The following PHACTR1 variants were observed in gnomAD, a reference collection of about 807,000 sequenced individuals.
PHACTR1 encodes the protein phosphatase and actin regulator 1.
PHACTR1 carries 16 observed loss-of-function variants against 69.2 expected under a neutral mutation model. The observed-to-expected ratio is 0.23, with a 90% CI of 0.16 to 0.35. The LOEUF (loss-of-function observed/expected upper bound fraction) is 0.35. PHACTR1 is among the 10% of genes least tolerant of loss of function. The probability of loss-of-function intolerance (pLI) is 1.00; values close to 1 mark genes in which losing one functional copy is unlikely to be tolerated. For synonymous variants in PHACTR1, 312 were observed against 284.5 expected (o/e 1.10, Z -0.97); for missense variants, 510 against 734.7 (o/e 0.69, Z 3.54).
intron 4 of PHACTR1, among the ~76,000 whole-genome samples, chr6:12,921,833 G>C (rs867087996): frequency 4.3e-5 from 2 of 46,928 alleles, no homozygotes; most frequent in Non-Finnish European, 7.7e-5. Flanking sequence ...AAGGAAGGAA[G>C]GGAGGGAGAG....
rs1212641912 is a variant in PHACTR1 at position 12,786,352 on chromosome 6, A to C, written c.250+36562A>C. On this transcript the variant is annotated intron_variant, in intron 4 of 14. Transcript: ENST00000332995. Reference sequence around the variant, plus strand: ...TTTCTAAGATGACTCTTGAATAGGAAAATAATTCTTAATACAAATTCAGAT... The same window carrying C: ...TTTCTAAGATGACTCTTGAATAGGACAATAATTCTTAATACAAATTCAGAT... 2.0e-5 allele frequency among the ~76,000 whole-genome samples: 3 copies of C among 152,244 alleles called. No individual in the cohort carries two copies. The East Asian group carries it at 5.8e-4, about 29-fold the overall frequency.
chr6:12,725,109 T>C (rs1391404879), intron 3 of PHACTR1, among the ~76,000 whole-genome samples: 1 of 152,188 alleles, frequency 6.6e-6, no homozygotes, highest in Non-Finnish European at 1.5e-5. Context: ...TCTCTTTAAG[T>C]TGTTTTTGGA....
At chr6:12,954,106 A>G (rs1367027995) in intron 4 of PHACTR1, among the ~76,000 whole-genome samples, 4 of 152,194 alleles carry the variant, frequency 2.6e-5, no homozygotes, top group African/African-American at 4.8e-5. Context: ...AGGGATAGGC[A>G]TTTCAAGGAA....
intron 4 of PHACTR1, among the ~76,000 whole-genome samples, chr6:12,873,533 A>T (rs1782264048): frequency 6.6e-6 from 1 of 152,166 alleles, no homozygotes; most frequent in Non-Finnish European, 1.5e-5. Context: ...TGGAAGAGAA[A>T]AAAAGGTTCA....
In PHACTR1 at chr6:13,160,241, A is replaced by G; in HGVS notation, c.453A>G (p.Glu151=). Residue 151 remains glutamate (E), a synonymous_variant, in exon 6 of 15, where the codon GAA becomes GAG. Coordinates refer to ENST00000332995, the MANE Select transcript of PHACTR1 (RefSeq NM_030948.6). ...ERKISMRQSR[E]ELIKRGVLKE... is the part of the protein sequence containing the mutation. ...AAATATCTATGAGGCAAAGCAGAGA[A>G]GAGCTGATAAAGCGAGGAGTCCTGA... The G allele has an allele frequency of 6.2e-7, 1 of 1,613,866 alleles. No homozygotes were observed. Among genetic ancestry groups the G allele is most frequent in the South Asian group, 1.1e-5 (1 of 91,074 alleles).
intron 7 of PHACTR1, among the ~76,000 whole-genome samples, chr6:13,190,042 TA>T (rs1554150970): frequency 0.037 from 5,493 of 146,566 alleles, 263 homozygotes; most frequent in African/African-American, 0.1. Flanking sequence ...TTTTTTTTTT[TA>T]AAACAGTTTC....
chr6:12,989,673 G>T (rs953356873), intron 4 of PHACTR1, among the ~76,000 whole-genome samples: 19 of 152,324 alleles, frequency 1.2e-4, no homozygotes, highest in African/African-American at 4.6e-4. Flanking sequence ...AAAGGTGGGA[G>T]CCAGGGGGCC....
intron 6 of PHACTR1, among the ~76,000 whole-genome samples, chr6:13,173,004 A>C (rs1421591834): frequency 6.6e-6 from 1 of 152,216 alleles, no homozygotes; most frequent in African/African-American, 2.4e-5. Context: ...GGTAGGGGTA[A>C]AAAAACTGGA....
intron 8 of PHACTR1, among the ~76,000 whole-genome samples, chr6:13,226,521 G>T (rs1769730981): frequency 6.6e-6 from 1 of 152,030 alleles, no homozygotes; most frequent in African/African-American, 2.4e-5. Context: ...TTAAATGAAA[G>T]ATATAAATTC....
At chr6:12,752,599 T>G (rs1287747788) in intron 4 of PHACTR1, among the ~76,000 whole-genome samples, 2 of 152,258 alleles carry the variant, frequency 1.3e-5, no homozygotes, top group Admixed American at 6.5e-5. Context: ...TACATATACA[T>G]ATATTCCTTT....
At chr6:13,167,279 T>C (rs1384801519) in intron 6 of PHACTR1, among the ~76,000 whole-genome samples, 1 of 152,240 alleles carries the variant, frequency 6.6e-6, no homozygotes, top group Non-Finnish European at 1.5e-5. Flanking sequence ...TGTAGAATGT[T>C]AGGGATAACA....
intron 4 of PHACTR1, among the ~76,000 whole-genome samples, chr6:12,780,255 G>C (rs945790004): frequency 2.0e-3 from 69 of 33,660 alleles, no homozygotes; most frequent in African/African-American, 3.2e-3. Flanking sequence ...TTCTCTGTGT[G>C]TGTGTGTGTG....
At chr6:13,199,144 T>G (rs566316656) in intron 7 of PHACTR1, among the ~76,000 whole-genome samples, 1 of 152,168 alleles carries the variant, frequency 6.6e-6, no homozygotes, top group East Asian at 1.9e-4. Context: ...TCCCAGCACT[T>G]TGGGAGGCCA....
chr6:12,772,488 G>A (rs1581682131), intron 4 of PHACTR1, among the ~76,000 whole-genome samples: 2 of 152,092 alleles, frequency 1.3e-5, no homozygotes, highest in East Asian at 3.9e-4. Context: ...CTCTTTCTGT[G>A]GAGATTTTCT....
At chr6:12,955,192 C>CTTTTTTTTTTT (rs1161324144) in intron 4 of PHACTR1, among the ~76,000 whole-genome samples, 1,504 of 103,092 alleles carry the variant, frequency 0.015, 126 homozygotes, top group African/African-American at 0.023. Flanking sequence ...TGTATTTCCT[C>CTTTTTTTTTTT]TTTTTTTTTT....
In PHACTR1 at chr6:12,752,367, A is replaced by G. The variant is rs1766726025; in HGVS notation, c.250+2577A>G. ...AATAAATTACATAATCTGGGCATAG[A>G]GATAATTTTGTTTATGTCTTAACCA... On this transcript the variant is annotated intron_variant, in intron 4 of 14. Coordinates refer to ENST00000332995, the MANE Select transcript of PHACTR1 (RefSeq NM_030948.6). Among the ~76,000 whole-genome samples, 12 of 152,352 alleles carry G rather than the reference A, an allele frequency of 7.9e-5. 1 individual carries two copies. The South Asian group carries it at 2.5e-3, about 32-fold the overall frequency.
At chr6:13,119,088 CTCTT>C (rs1023579475) in intron 5 of PHACTR1, among the ~76,000 whole-genome samples, 3 of 152,188 alleles carry the variant, frequency 2.0e-5, no homozygotes, top group African/African-American at 7.2e-5. Context: ...TTCAGCCTCT[CTCTT>C]TATCTACCTC....
chr6:13,280,574 C>T (rs1779939288), intron 12 of PHACTR1: 1 of 233,224 alleles, frequency 4.3e-6, no homozygotes, highest in Non-Finnish European at 8.7e-6. Flanking sequence ...AGCCCAATAA[C>T]TTCTTCAATA....
At chr6:13,007,805 ATCACC>A (rs1416430808) in intron 4 of PHACTR1, among the ~76,000 whole-genome samples, 1 of 152,134 alleles carries the variant, frequency 6.6e-6, no homozygotes, top group South Asian at 2.1e-4. Flanking sequence ...TTCTCCTTCA[ATCACC>A]TCTTTCTCCA....
Sources: gnomAD v4.1 joint callset for allele counts (sites outside exome capture counted in the v4.1 genomes callset) on GRCh38, gnomAD v4.1.1 for gene constraint, MANE v1.5 for transcripts, NCBI Gene and HGNC (gene_info 2026-07-23, HGNC 2026-07-21) for gene names.